The following SMIM20 variants were observed in gnomAD, a reference collection of about 807,000 sequenced individuals.
SMIM20 encodes the protein small integral membrane protein 20, also known as mitochondrial translation regulation assembly intermediate of cytochrome c oxidase protein of 7 kDa.
In SMIM20, 3 loss-of-function variants were observed where a neutral mutation model predicts 8.7. That is an observed-to-expected ratio of 0.34 (90% CI 0.16 to 0.89). SMIM20 has a LOEUF of 0.89. SMIM20 is among the 40% of genes least tolerant of loss of function. The pLI, the probability that SMIM20 is intolerant of heterozygous loss-of-function variation, is 0.49. For missense variants in SMIM20, 85 were observed against 84.8 expected, an observed-to-expected ratio of 1.00 and a Z score of -0.01; for synonymous variants, 44 against 33.6, an observed-to-expected ratio of 1.31 and a Z score of -1.07.
At chr4:25,925,774 G>C (rs1719281167) in intron 1 of SMIM20, among the ~76,000 whole-genome samples, 1 of 152,182 alleles carries the variant, frequency 6.6e-6, no homozygotes, top group South Asian at 2.1e-4. Flanking sequence ...GTATTTTCCG[G>C]TGTGGACATT....
intron 1 of SMIM20, among the ~76,000 whole-genome samples, chr4:25,918,070 G>A (rs973816541): frequency 6.6e-6 from 1 of 151,366 alleles, no homozygotes; most frequent in African/African-American, 2.4e-5. Flanking sequence ...AGCCTCCCAA[G>A]TAGCTGGGAT....
intron 1 of SMIM20, among the ~76,000 whole-genome samples, chr4:25,925,992 C>G (rs1719285592): frequency 6.6e-6 from 1 of 152,130 alleles, no homozygotes. Context: ...TGCTGAGACA[C>G]TGGAGTGGGG....
intron 1 of SMIM20, among the ~76,000 whole-genome samples, chr4:25,924,626 A>G (rs1032707839): frequency 6.6e-6 from 1 of 152,202 alleles, no homozygotes; most frequent in Non-Finnish European, 1.5e-5. Context: ...AGATACATAC[A>G]TATATACAGA....
intron 1 of SMIM20, among the ~76,000 whole-genome samples, chr4:25,915,738 TC>T (rs1719074794): frequency 6.6e-6 from 1 of 151,880 alleles, no homozygotes; most frequent in South Asian, 2.1e-4. Context: ...CTGCTTTGCA[TC>T]CCATTGGAAA....
In SMIM20 at chr4:25,917,356, G is replaced by A. The variant is rs952837468; in HGVS notation, c.109+2934G>A. Among the ~76,000 whole-genome samples the A allele has an allele frequency of 9.2e-5, 14 of 152,142 alleles. 1 individual carries two copies. Among genetic ancestry groups the A allele is most frequent in the African/African-American group, 2.9e-4 (12 of 41,484 alleles). On this transcript the variant is annotated intron_variant, in intron 1 of 2. Transcript: ENST00000506197. Reference sequence around the variant, plus strand: ...TTGGGGTGAATTAAATGGGGTAACAGGTGTGGAAACACCTACTATAGTCTT... The same window carrying A: ...TTGGGGTGAATTAAATGGGGTAACAAGTGTGGAAACACCTACTATAGTCTT...
rs1711599585 is a variant in SMIM20 at position 25,929,750 on chromosome 4, G to T, written c.*559G>T. 6.6e-6 allele frequency: 1 copy of T among 152,186 alleles called. No individual in the cohort carries two copies. Among genetic ancestry groups the T allele is most frequent in the African/African-American group, 2.4e-5 (1 of 41,428 alleles). The allele number at this position is 152,186 out of a possible 1,614,324, so 9.4% of individuals were successfully genotyped here. ...CAAGTCAAACTAGATGCATACACTT[G>T]TGTAGAAATCAATAATCAATTAATA... On this transcript the variant is annotated 3_prime_UTR_variant, in exon 3 of 3. Coordinates refer to ENST00000506197, the MANE Select transcript of SMIM20 (RefSeq NM_001145432.3).
chr4:25,921,319 A>G (rs1301410045), intron 1 of SMIM20, among the ~76,000 whole-genome samples: 2 of 152,160 alleles, frequency 1.3e-5, no homozygotes, highest in African/African-American at 4.8e-5. Context: ...GGATCGCTGG[A>G]GTCCAGGAGT....
chr4:25,928,904 T>A (rs1711581187), intron 2 of SMIM20, among the ~76,000 whole-genome samples: 1 of 152,250 alleles, frequency 6.6e-6, no homozygotes. Flanking sequence ...TATTTATTTA[T>A]TTTTTAACTA....
chr4:25,921,079 A>T (rs1165338164), intron 1 of SMIM20, among the ~76,000 whole-genome samples: 3 of 152,236 alleles, frequency 2.0e-5, no homozygotes, highest in Non-Finnish European at 4.4e-5. Flanking sequence ...CACTCTTTAC[A>T]AGCATCACTC....
intron 1 of SMIM20, among the ~76,000 whole-genome samples, chr4:25,926,841 T>C (rs569161304): frequency 6.6e-6 from 1 of 152,364 alleles, no homozygotes; most frequent in South Asian, 2.1e-4. Flanking sequence ...TTTAGTTAGA[T>C]ACAGAAAATT....
At chr4:25,915,776 GT>G (rs1719075620) in intron 1 of SMIM20, among the ~76,000 whole-genome samples, 1 of 144,716 alleles carries the variant, frequency 6.9e-6, no homozygotes, top group Non-Finnish European at 1.5e-5. Flanking sequence ...TAGAGCTGTG[GT>G]TCTCATCTAG....
chr4:25,924,877 A>C (rs1227847126), intron 1 of SMIM20, among the ~76,000 whole-genome samples: 1 of 152,242 alleles, frequency 6.6e-6, no homozygotes, highest in African/African-American at 2.4e-5. Flanking sequence ...CAAAATCTGG[A>C]ATTTTTTGAG....
chr4:25,926,771 C>G (rs1009462583), intron 1 of SMIM20, among the ~76,000 whole-genome samples: 1 of 151,010 alleles, frequency 6.6e-6, no homozygotes, highest in African/African-American at 2.5e-5. Flanking sequence ...AGAATGCTTT[C>G]TGATAGTGAT....
At chr4:25,914,508 G>C (rs1719040349) in intron 1 of SMIM20, 86 bp downstream of exon 1, 1 of 1,300,176 alleles carries the variant, frequency 7.7e-7, no homozygotes. Flanking sequence ...GCCGTGGAAA[G>C]AACTTGGCTC....
rs373136160 is a variant in SMIM20 at position 25,914,456 on chromosome 4, C to G, written c.109+34C>G. 3.3e-3 allele frequency: 4,772 copies of G among 1,428,698 alleles called. 13 individuals carry two copies. Among genetic ancestry groups the G allele is most frequent in the Non-Finnish European group, 4.1e-3 (4,384 of 1,080,402 alleles). The allele number at this position is 1,428,698 out of a possible 1,614,324, so 88.5% of individuals were successfully genotyped here. On this transcript the variant is annotated intron_variant, in intron 1 of 2. Transcript: ENST00000506197. ...TCTCTAACCCCTTGCGGTGACCTGA[C>G]TCCCCAACACACACACCTCCCCTCT...
At chr4:25,918,185 G>A (rs545150211) in intron 1 of SMIM20, among the ~76,000 whole-genome samples, 28 of 151,982 alleles carry the variant, frequency 1.8e-4, no homozygotes, top group African/African-American at 6.0e-4. Context: ...CTCGTGATCC[G>A]CCTGCCTCGG....
rs369463414 is a variant in SMIM20 at position 25,915,484 on chromosome 4, T to G, written c.109+1062T>G. On this transcript the variant is annotated intron_variant, in intron 1 of 2. Transcript: ENST00000506197. ...GTAAATGTTCTGCCCATTACAAATGTTGCAGCAGTCGATTTCTGGAGGCAG... is the reference window on the plus strand; with the variant it reads ...GTAAATGTTCTGCCCATTACAAATGGTGCAGCAGTCGATTTCTGGAGGCAG... Among the ~76,000 whole-genome samples the G allele has an allele frequency of 6.4e-4, 98 of 152,324 alleles. No homozygotes were observed. In the South Asian group the frequency reaches 0.018, roughly 28 times the overall value.
intron 1 of SMIM20, among the ~76,000 whole-genome samples, chr4:25,925,431 T>C (rs1719274151): frequency 6.6e-6 from 1 of 152,074 alleles, no homozygotes; most frequent in Non-Finnish European, 1.5e-5. Context: ...GAGATGGGGT[T>C]TCGTCACGTT....
Position 25,914,283 on chromosome 4 carries a change from G to A in SMIM20, c.-31G>A. 1 of 1,532,388 alleles carries A rather than the reference G, an allele frequency of 6.5e-7. No individual in the cohort carries two copies. The highest frequency in any genetic ancestry group is 8.8e-7 in the Non-Finnish European group (1 of 1,135,392). 94.9% of individuals were successfully genotyped at this position (1,532,388 alleles called of 1,614,324 possible). On this transcript the variant is annotated 5_prime_UTR_variant, in exon 1 of 3. Coordinates refer to ENST00000506197, the MANE Select transcript of SMIM20 (RefSeq NM_001145432.3). ...TGGTTTCCGAGAGTGCCGGGCGGTC[G>A]GCGGGTCAGGGCAGCCCGGGGCCTG...
Sources: gnomAD v4.1 joint callset for allele counts (sites outside exome capture counted in the v4.1 genomes callset) on GRCh38, gnomAD v4.1.1 for gene constraint, MANE v1.5 for transcripts, NCBI Gene and HGNC (gene_info 2026-07-23, HGNC 2026-07-21) for gene names.